The following DHRSX variants were observed in gnomAD, a reference collection of about 807,000 sequenced individuals.
The protein encoded by DHRSX is polyprenol dehydrogenase.
DHRSX carries 31 observed loss-of-function variants against 34.0 expected under a neutral mutation model. The observed-to-expected ratio is 0.91, with a 90% CI of 0.69 to 1.23. The LOEUF is 1.23. Ranked by LOEUF, DHRSX falls within the 50% of genes most tolerant of loss-of-function variation. The probability of loss-of-function intolerance (pLI) is 0.00; values close to 1 mark genes in which losing one functional copy is unlikely to be tolerated. For missense variants in DHRSX, 414 were observed against 428.1 expected (o/e 0.97, Z 0.29); for synonymous variants, 201 against 183.8 (o/e 1.09, Z -0.76).
At chrX:2,365,194 A>G (rs922646765) in intron 3 of DHRSX, among the ~76,000 whole-genome samples, 8 of 152,214 alleles carry the variant, frequency 5.3e-5, no homozygotes, top group African/African-American at 1.7e-4. Flanking sequence ...TTTGCAATCT[A>G]TTCATCTGAC....
At chrX:2,463,809 A>AT (rs1202048208) in intron 1 of DHRSX, among the ~76,000 whole-genome samples, 1 of 151,978 alleles carries the variant, frequency 6.6e-6, no homozygotes, top group Non-Finnish European at 1.5e-5. Context: ...AATGAAGAAA[A>AT]AAAAGCAGCT....
intron 1 of DHRSX, among the ~76,000 whole-genome samples, chrX:2,433,658 G>A (rs1425884836): frequency 3.3e-5 from 5 of 152,044 alleles, no homozygotes; most frequent in African/African-American, 1.2e-4. Context: ...TGTGGTGTTT[G>A]GTTTTCTGTT....
intron 3 of DHRSX, chrX:2,392,429 T>C: frequency 3.3e-6 from 1 of 301,020 alleles, no homozygotes; most frequent in East Asian, 1.2e-4. Flanking sequence ...ATCGCTTGAG[T>C]TCCAGAGGCA....
At chrX:2,222,310 C>G (rs923722410) in intron 6 of DHRSX, among the ~76,000 whole-genome samples, 1 of 152,254 alleles carries the variant, frequency 6.6e-6, no homozygotes, top group African/African-American at 2.4e-5. Flanking sequence ...TCCAGTTCCT[C>G]TTTCCTCCCC....
intron 5 of DHRSX, among the ~76,000 whole-genome samples, chrX:2,260,025 C>T (rs1211374392): frequency 2.0e-5 from 3 of 150,840 alleles, no homozygotes; most frequent in Non-Finnish European, 4.4e-5. Flanking sequence ...CCAGTTCCCT[C>T]CAGAGGCTCT....
chrX:2,364,814 T>C (rs2042978667), intron 3 of DHRSX, among the ~76,000 whole-genome samples: 1 of 152,212 alleles, frequency 6.6e-6, no homozygotes, highest in Non-Finnish European at 1.5e-5. Flanking sequence ...CTATCATCTA[T>C]TGACCATCGA....
At chrX:2,290,042 T>C (rs2041847838) in intron 4 of DHRSX, among the ~76,000 whole-genome samples, 1 of 152,236 alleles carries the variant, frequency 6.6e-6, no homozygotes, top group African/African-American at 2.4e-5. Context: ...TAAATACATA[T>C]ACATCATACA....
At chrX:2,269,180 T>C in intron 4 of DHRSX, among the ~76,000 whole-genome samples, 1 of 152,388 alleles carries the variant, frequency 6.6e-6, no homozygotes, top group South Asian at 2.1e-4. Context: ...TGTCTACATA[T>C]TTGTATATGT....
intron 4 of DHRSX, among the ~76,000 whole-genome samples, chrX:2,288,173 A>G (rs1279221771): frequency 2.0e-5 from 3 of 151,988 alleles, no homozygotes; most frequent in Non-Finnish European, 1.5e-5. Flanking sequence ...GAGAGAAGGG[A>G]AGAGAGGGAG....
Position 2,221,091 on chromosome X carries a change from G to A in DHRSX, c.943C>T (p.Leu315=). The A allele has an allele frequency of 6.2e-7, 1 of 1,613,958 alleles. No homozygotes were observed. The highest frequency in any genetic ancestry group is 1.1e-5 in the South Asian group (1 of 91,076). The change falls in exon 7 of 7, where the codon CTG becomes TTG. Residue 315 remains leucine, a synonymous_variant. Coordinates refer to ENST00000334651, the MANE Select transcript of DHRSX (RefSeq NM_145177.3). ...GTCATCTCACAACTCTTAGACCACA[G>A]CTGCTGCTGCAGTTTCTGGTTGTAG... ...VTYNQKLQQQ[L]WSKSCEMTGV...
At chrX:2,395,170 T>C (rs1473170056) in intron 3 of DHRSX, among the ~76,000 whole-genome samples, 1 of 152,120 alleles carries the variant, frequency 6.6e-6, no homozygotes, top group African/African-American at 2.4e-5. Flanking sequence ...CCTGTGTTCT[T>C]TCCTGCACCT....
Position 2,282,909 on chromosome X carries a change from G to A in DHRSX, c.388+8593C>T, listed in dbSNP as rs190235535. 2.0e-4 allele frequency among the ~76,000 whole-genome samples: 31 copies of A among 151,452 alleles called. No homozygotes were observed. The East Asian group carries it at 5.3e-3, about 26-fold the overall frequency. ...AGGGAGGAGGGAGAAGGGAGGTCGA[G>A]AGCAAAATAGTAGAAGCGGGGATGG... is the stretch of plus-strand genomic sequence containing the variant. On this transcript the variant is annotated intron_variant, in intron 4 of 6. Transcript: ENST00000334651.
rs766039267 is a variant in DHRSX, at chrX:2,404,679, A to G, written c.286+4066T>C. On this transcript the variant is annotated intron_variant, in intron 3 of 6. Coordinates refer to ENST00000334651, the MANE Select transcript of DHRSX (RefSeq NM_145177.3). ...AAAAAATAATATAATGCATGTGTCA[A>G]TTAAACAACTGTCTTTGTTTCTCAC... Among the ~76,000 whole-genome samples the G allele has an allele frequency of 6.6e-5, 10 of 152,350 alleles. No individual in the cohort carries two copies. The South Asian group carries it at 1.9e-3, about 28-fold the overall frequency.
intron 3 of DHRSX, among the ~76,000 whole-genome samples, chrX:2,349,465 T>C (rs1035430666): frequency 6.6e-6 from 1 of 151,754 alleles, no homozygotes; most frequent in African/African-American, 2.4e-5. Flanking sequence ...GTGGATCACT[T>C]GCAGTTAGTT....
At chrX:2,284,144 T>G (rs2041773270) in intron 4 of DHRSX, among the ~76,000 whole-genome samples, 1 of 152,234 alleles carries the variant, frequency 6.6e-6, no homozygotes, top group African/African-American at 2.4e-5. Context: ...TTGAATTCAT[T>G]CATTCATTCC....
intron 5 of DHRSX, among the ~76,000 whole-genome samples, chrX:2,245,839 G>A (rs1473019191): frequency 6.6e-6 from 1 of 150,940 alleles, no homozygotes; most frequent in Non-Finnish European, 1.5e-5. Flanking sequence ...GCATGTGCCT[G>A]TAGTCCCAGC....
Position 2,266,842 on chromosome X carries a change from G to A in DHRSX, c.494C>T (p.Thr165Met), listed in dbSNP as rs577326398. 64 of 1,613,976 alleles carry A rather than the reference G, an allele frequency of 4.0e-5. No individual in the cohort carries two copies. The highest frequency in any genetic ancestry group is 1.2e-4 in the African/African-American group (9 of 75,054). The change falls in exon 5 of 7, where the codon ACG becomes ATG. Residue 165 changes from threonine (T) to methionine (M), a missense_variant. By Grantham distance (81) the Thr-to-Met change is moderately conservative. Coordinates refer to ENST00000334651, the MANE Select transcript of DHRSX (RefSeq NM_145177.3). ...GCCAGGGGACCCAGACTCTTTCAGC[G>A]TATCCAAGAGAAGGTTGGTCAGCAG... ...HFLLTNLLLD[T>M]LKESGSPGHS...
intron 1 of DHRSX, among the ~76,000 whole-genome samples, chrX:2,495,893 G>A (rs1569350039): frequency 6.6e-6 from 1 of 152,080 alleles, no homozygotes; most frequent in African/African-American, 2.4e-5. Context: ...TTACCAGAAC[G>A]ACACGTCGCA....
chrX:2,222,416 T>C (rs1248642615), intron 6 of DHRSX, among the ~76,000 whole-genome samples: 1 of 152,168 alleles, frequency 6.6e-6, no homozygotes, highest in African/African-American at 2.4e-5. Flanking sequence ...AAACAGCAAA[T>C]ATCACCTCAT....
Sources: gnomAD v4.1 joint callset for allele counts (sites outside exome capture counted in the v4.1 genomes callset) on GRCh38, gnomAD v4.1.1 for gene constraint, MANE v1.5 for transcripts, NCBI Gene and HGNC (gene_info 2026-07-23, HGNC 2026-07-21) for gene names.